The following NELL1 variants were observed in gnomAD, a reference collection of about 807,000 sequenced individuals.
NELL1 encodes the protein neural EGFL like 1, also known as protein kinase C-binding protein NELL1.
Under a neutral mutation model 107.4 loss-of-function variants are expected in NELL1, and 76 were observed. The observed-to-expected ratio is 0.71, with a 90% confidence interval of 0.59 to 0.86. NELL1 has a LOEUF of 0.86. Among genes scored for constraint, NELL1 ranks in the 40% least tolerant of loss-of-function variants. NELL1 has a pLI of 0.00. For synonymous variants in NELL1, 353 were observed against 341.2 expected (o/e 1.03, Z -0.38); for missense variants, 1,024 against 1,005.5 (o/e 1.02, Z -0.25).
intron 4 of NELL1, among the ~76,000 whole-genome samples, chr11:20,877,179 A>G (rs917143240): frequency 6.6e-6 from 1 of 152,202 alleles, no homozygotes; most frequent in African/African-American, 2.4e-5. Context: ...ATGCCAGCTA[A>G]AAGGCAGTAA....
rs141114362 is a variant in NELL1, at chr11:21,288,699, T to C, written c.1549+59245T>C. On this transcript the variant is annotated intron_variant, in intron 14 of 19. Transcript: ENST00000357134. ...AGATTGTTTTGGTTGTCTATTGCTG[T>C]AAAACAAACTATCCAAACATTAGTG... Among the ~76,000 whole-genome samples the C allele has an allele frequency of 1.2e-3, 181 of 152,328 alleles. 1 individual carries two copies. The highest frequency in any genetic ancestry group is 4.2e-3 in the African/African-American group (173 of 41,566).
chr11:20,913,340 A>G (rs1303890712), intron 5 of NELL1, among the ~76,000 whole-genome samples: 1 of 152,188 alleles, frequency 6.6e-6, no homozygotes, highest in Non-Finnish European at 1.5e-5. Context: ...CAGGGAAATA[A>G]GAGCGTTAAA....
At chr11:21,364,636 G>C (rs1851172299) in intron 14 of NELL1, among the ~76,000 whole-genome samples, 1 of 152,060 alleles carries the variant, frequency 6.6e-6, no homozygotes, top group South Asian at 2.1e-4. Flanking sequence ...TTATGTTTCT[G>C]TTTATATGTG....
At chr11:21,084,322 G>A (rs1056173673) in intron 12 of NELL1, among the ~76,000 whole-genome samples, 1 of 152,092 alleles carries the variant, frequency 6.6e-6, no homozygotes, top group Admixed American at 6.6e-5. Flanking sequence ...CTGTAAAATA[G>A]ACCAATATGC....
At chr11:20,687,785 G>A (rs971990022) in intron 2 of NELL1, among the ~76,000 whole-genome samples, 1 of 151,828 alleles carries the variant, frequency 6.6e-6, no homozygotes, top group African/African-American at 2.4e-5. Flanking sequence ...TAGAGACAGG[G>A]TTTCACCATG....
chr11:20,762,890 C>A (rs1243797428), intron 2 of NELL1, among the ~76,000 whole-genome samples: 1 of 152,050 alleles, frequency 6.6e-6, no homozygotes, highest in Admixed American at 6.6e-5. Context: ...TATACCTGCA[C>A]CTACAGATGT....
At chr11:21,326,889 A>T (rs1850155676) in intron 14 of NELL1, among the ~76,000 whole-genome samples, 1 of 151,580 alleles carries the variant, frequency 6.6e-6, no homozygotes, top group African/African-American at 2.4e-5. Context: ...AAATAGTTGG[A>T]TTGGATTTAT....
At chr11:20,980,490 A>G (rs1043122245) in intron 12 of NELL1, among the ~76,000 whole-genome samples, 2 of 152,202 alleles carry the variant, frequency 1.3e-5, no homozygotes, top group African/African-American at 4.8e-5. Context: ...CTGGACCTAG[A>G]GTCAGAGTTG....
In NELL1 at chr11:21,309,259, TGTATA is replaced by T. The variant is rs1343144973; in HGVS notation, c.1550-61593_1550-61589del. 3.3e-4 allele frequency among the ~76,000 whole-genome samples: 14 copies of T among 42,084 alleles called. No individual in the cohort carries two copies. In the South Asian group the frequency reaches 4.5e-3, roughly 13 times the overall value. 27.6% of individuals were successfully genotyped at this position (42,084 alleles called of 152,430 possible). A position where few individuals can be genotyped will look rare whatever the true frequency, so the allele number is the denominator to read the frequency against. ...AAAAAACCCACTCTAAATATATATA[TGTATA>T]TATATATATATATATGTATATATAT... On this transcript the variant is annotated intron_variant, in intron 14 of 19. Transcript: ENST00000357134.
At chr11:21,099,623 G>C (rs80127530) in intron 12 of NELL1, among the ~76,000 whole-genome samples, 3,249 of 152,242 alleles carry the variant, frequency 0.021, 123 homozygotes, top group African/African-American at 0.074. Context: ...ATAAGACGTG[G>C]TGCAAGGTAT....
At chr11:20,884,360 G>C (rs898340103) in intron 4 of NELL1, among the ~76,000 whole-genome samples, 1 of 152,184 alleles carries the variant, frequency 6.6e-6, no homozygotes, top group South Asian at 2.1e-4. Flanking sequence ...TGAGCTGTCC[G>C]TACCTCTGGA....
intron 2 of NELL1, among the ~76,000 whole-genome samples, chr11:20,749,239 G>A (rs1856079458): frequency 6.6e-6 from 1 of 152,114 alleles, no homozygotes; most frequent in Non-Finnish European, 1.5e-5. Context: ...TGGCGGGCGA[G>A]AAATTACTAG....
chr11:21,519,298 T>C (rs1235602873), intron 15 of NELL1, among the ~76,000 whole-genome samples: 5 of 152,204 alleles, frequency 3.3e-5, no homozygotes, highest in Admixed American at 3.3e-4. Flanking sequence ...AAAGTAGAGT[T>C]CTCAGATGAT....
intron 15 of NELL1, among the ~76,000 whole-genome samples, chr11:21,472,975 C>A (rs995067204): frequency 6.6e-6 from 1 of 151,988 alleles, no homozygotes; most frequent in African/African-American, 2.4e-5. Flanking sequence ...AAAGATTAAT[C>A]ATACCTAGTC....
intron 13 of NELL1, among the ~76,000 whole-genome samples, chr11:21,154,946 G>A (rs1385317203): frequency 2.0e-5 from 3 of 152,180 alleles, no homozygotes; most frequent in Non-Finnish European, 4.4e-5. Flanking sequence ...TTATAGGACT[G>A]GGTTGTAAGC....
At chr11:21,195,600 T>C (rs1857137016) in intron 13 of NELL1, among the ~76,000 whole-genome samples, 1 of 150,624 alleles carries the variant, frequency 6.6e-6, no homozygotes, top group Admixed American at 6.6e-5. Flanking sequence ...GGCAGTTAAA[T>C]TTTAAAGTAT....
intron 15 of NELL1, among the ~76,000 whole-genome samples, chr11:21,493,527 T>TAA (rs36125830): frequency 3.3e-5 from 5 of 149,574 alleles, no homozygotes; most frequent in East Asian, 4.0e-4. Context: ...GTGTAGGAGC[T>TAA]AAAAAAAAAA....
chr11:21,332,132 C>T (rs1476239795), intron 14 of NELL1, among the ~76,000 whole-genome samples: 1 of 152,038 alleles, frequency 6.6e-6, no homozygotes, highest in Non-Finnish European at 1.5e-5. Context: ...ACTTTAATGT[C>T]TCCCAGACTT....
chr11:20,784,929 T>A (rs771780798), intron 3 of NELL1, among the ~76,000 whole-genome samples: 10 of 152,212 alleles, frequency 6.6e-5, no homozygotes, highest in Non-Finnish European at 1.3e-4. Context: ...AGATTGGTGT[T>A]ACAATGAAGT....
Sources: gnomAD v4.1 joint callset for allele counts (sites outside exome capture counted in the v4.1 genomes callset) on GRCh38, gnomAD v4.1.1 for gene constraint, MANE v1.5 for transcripts, NCBI Gene and HGNC (gene_info 2026-07-23, HGNC 2026-07-21) for gene names.